The following MAST4 variants were observed in gnomAD, a reference collection of about 807,000 sequenced individuals.
MAST4 encodes microtubule-associated serine/threonine-protein kinase 4.
Under a neutral mutation model 162.7 loss-of-function variants are expected in MAST4, and 89 were observed. The ratio of observed to expected loss-of-function variants is 0.55; its 90% CI spans 0.46 to 0.65. The LOEUF (loss-of-function observed/expected upper bound fraction) is 0.65. MAST4 is among the 30% of genes least tolerant of loss of function. The pLI is 0.00. For synonymous variants in MAST4, 1,479 were observed against 1,361.1 expected, an observed-to-expected ratio of 1.09 and a Z score of -1.91; for missense variants, 3,153 against 3,374.0, an observed-to-expected ratio of 0.93 and a Z score of 1.62.
chr5:67,166,244 C>CA lies in MAST4; in HGVS notation c.7069dup (p.Ser2357LysfsTer20). 2 of 1,552,584 alleles carry CA rather than the reference C, an allele frequency of 1.3e-6. No individual in the cohort carries two copies. Among genetic ancestry groups the CA allele is most frequent in the Non-Finnish European group, 1.7e-6 (2 of 1,147,476 alleles). The stretch of plus-strand genomic sequence containing the variant: ...AACAGACAGACAACAGACAGACAGA[C>CA]AAAAGCCCGAGTCAGCCGGCCGCCA... On this transcript the variant is annotated frameshift_variant, in exon 29 of 29. Coordinates refer to ENST00000403625, the MANE Select transcript of MAST4 (RefSeq NM_001164664.2). LOFTEE classifies it low-confidence loss of function (END_TRUNC).
chr5:66,866,781 C>T (rs147599467), intron 3 of MAST4, among the ~76,000 whole-genome samples: 15 of 152,294 alleles, frequency 9.8e-5, no homozygotes, highest in South Asian at 8.3e-4. Context: ...GCCCGGGTCT[C>T]GCCCCATCAT....
chr5:66,836,943 TA>T (rs1758008604), intron 3 of MAST4, among the ~76,000 whole-genome samples: 1 of 151,422 alleles, frequency 6.6e-6, no homozygotes, highest in Non-Finnish European at 1.5e-5. Context: ...AAATAAAAGT[TA>T]AAAAAGCAAA....
chr5:67,024,802 A>G (rs1216413788), intron 4 of MAST4, among the ~76,000 whole-genome samples: 1 of 151,330 alleles, frequency 6.6e-6, no homozygotes, highest in Non-Finnish European at 1.5e-5. Flanking sequence ...ACATGCTTCC[A>G]TTTTATGTTC....
At chr5:66,710,943 T>G (rs934891673) in intron 1 of MAST4, among the ~76,000 whole-genome samples, 28 of 152,222 alleles carry the variant, frequency 1.8e-4, no homozygotes, top group Non-Finnish European at 3.7e-4. Flanking sequence ...AATATGCCCG[T>G]GTAACCAGCA....
chr5:66,717,205 CTG>C (rs1241357610), intron 1 of MAST4, among the ~76,000 whole-genome samples: 3 of 152,270 alleles, frequency 2.0e-5, no homozygotes, highest in Admixed American at 6.5e-5. Context: ...ACCCTATACT[CTG>C]TGGCTTGGAG....
intron 1 of MAST4, among the ~76,000 whole-genome samples, chr5:66,658,659 G>T (rs1008459057): frequency 7.9e-5 from 12 of 152,174 alleles, no homozygotes; most frequent in African/African-American, 2.9e-4. Context: ...CTCTTTAATG[G>T]TTCCTTCATT....
At chr5:67,051,939 C>T (rs1429526169) in intron 4 of MAST4, among the ~76,000 whole-genome samples, 1 of 152,156 alleles carries the variant, frequency 6.6e-6, no homozygotes, top group East Asian at 1.9e-4. Context: ...CAGAAAGTTC[C>T]AAGTCTGTTG....
At chr5:66,655,069 C>T (rs1383529125) in intron 1 of MAST4, among the ~76,000 whole-genome samples, 1 of 151,972 alleles carries the variant, frequency 6.6e-6, no homozygotes. Flanking sequence ...GCATTCATTC[C>T]TTGGTTTTAC....
At chr5:66,647,041 G>A (rs1261277322) in intron 1 of MAST4, among the ~76,000 whole-genome samples, 2 of 151,978 alleles carry the variant, frequency 1.3e-5, no homozygotes, top group Admixed American at 6.6e-5. Flanking sequence ...ACATCCATTG[G>A]TTTTCCTAGC....
intron 23 of MAST4, among the ~76,000 whole-genome samples, chr5:67,148,038 C>CCATA (rs957281225): frequency 4.7e-4 from 71 of 152,326 alleles, no homozygotes; most frequent in Non-Finnish European, 8.5e-4. Context: ...CAAACTACAA[C>CCATA]CATACCACTG....
intron 3 of MAST4, among the ~76,000 whole-genome samples, chr5:66,809,041 A>G (rs531547344): frequency 6.6e-6 from 1 of 152,334 alleles, no homozygotes; most frequent in Non-Finnish European, 1.5e-5. Flanking sequence ...CTTGGATCAG[A>G]GGGATCATTC....
intron 4 of MAST4, among the ~76,000 whole-genome samples, chr5:67,016,031 A>G (rs1379039406): frequency 6.6e-6 from 1 of 152,214 alleles, no homozygotes; most frequent in Non-Finnish European, 1.5e-5. Context: ...GGAAACAAAG[A>G]TATGTATAGC....
At chr5:66,727,089 AAGTC>A (rs893406113) in intron 1 of MAST4, among the ~76,000 whole-genome samples, 20 of 152,114 alleles carry the variant, frequency 1.3e-4, no homozygotes, top group African/African-American at 4.8e-4. Flanking sequence ...TTAGGAAGAA[AAGTC>A]AGCAGAACTT....
intron 1 of MAST4, among the ~76,000 whole-genome samples, chr5:66,621,458 A>T (rs1744071211): frequency 6.6e-6 from 1 of 152,162 alleles, no homozygotes; most frequent in African/African-American, 2.4e-5. Context: ...CATCTTAGTT[A>T]ATTTGGTTTT....
intron 3 of MAST4, among the ~76,000 whole-genome samples, chr5:66,862,565 A>G (rs1760198075): frequency 6.6e-6 from 1 of 152,232 alleles, no homozygotes; most frequent in Non-Finnish European, 1.5e-5. Context: ...TGGATATAAT[A>G]TAGTCTAAGA....
chr5:66,795,690 T>TA (rs147629510), intron 3 of MAST4, among the ~76,000 whole-genome samples: 39,956 of 151,734 alleles, frequency 0.26, 6,063 homozygotes, highest in Non-Finnish European at 0.35. Context: ...GAAATTAGGA[T>TA]TATCTGTGCT....
chr5:66,727,615 C>A (rs1424897676), intron 1 of MAST4, among the ~76,000 whole-genome samples: 1 of 152,060 alleles, frequency 6.6e-6, no homozygotes, highest in Non-Finnish European at 1.5e-5. Flanking sequence ...CTGATGGCCA[C>A]ATGGTGAGAC....
chr5:66,788,512 C>G (rs1159541292), intron 2 of MAST4, among the ~76,000 whole-genome samples, 158 bp from the exon 3 acceptor site: 2 of 152,164 alleles, frequency 1.3e-5, no homozygotes, highest in Non-Finnish European at 2.9e-5. Context: ...TTAATTAGAA[C>G]AAGTTTTCCC....
chr5:66,730,017 C>T (rs573559269), intron 1 of MAST4, among the ~76,000 whole-genome samples: 4 of 152,190 alleles, frequency 2.6e-5, no homozygotes, highest in Non-Finnish European at 5.9e-5. Context: ...CTGACCAATA[C>T]GAATGGGATT....
Sources: allele counts gnomAD v4.1 joint callset (sites outside exome capture counted in the v4.1 genomes callset), GRCh38; gene constraint gnomAD v4.1.1; transcripts MANE v1.5; gene names NCBI Gene and HGNC (gene_info 2026-07-23, HGNC 2026-07-21).